Variants in DNER observed in about 807,000 individuals in gnomAD.
DNER encodes the protein delta and Notch-like epidermal growth factor-related receptor.
DNER carries 33 observed loss-of-function variants against 78.2 expected under a neutral mutation model. The observed-to-expected ratio is 0.42, with a 90% CI of 0.32 to 0.56. DNER has a LOEUF of 0.56. DNER is among the 20% of genes least tolerant of loss of function. The probability of loss-of-function intolerance (pLI) is 0.11; values close to 1 mark genes in which losing one functional copy is unlikely to be tolerated. For synonymous variants in DNER, 417 were observed against 384.8 expected (o/e 1.08, Z -0.98); for missense variants, 918 against 975.3 (o/e 0.94, Z 0.78).
intron 1 of DNER, among the ~76,000 whole-genome samples, chr2:229,656,393 C>T (rs1698912736): frequency 6.6e-6 from 1 of 152,184 alleles, no homozygotes; most frequent in African/African-American, 2.4e-5. Flanking sequence ...GTCCCTACCT[C>T]ATACTGTTGT....
At chr2:229,478,186 A>G (rs1574861107) in intron 6 of DNER, among the ~76,000 whole-genome samples, 1 of 152,352 alleles carries the variant, frequency 6.6e-6, no homozygotes, top group South Asian at 2.1e-4. Flanking sequence ...GATAATTCCT[A>G]TCAAAAATTG....
At chr2:229,433,094 C>T (rs1427790744) in intron 8 of DNER, among the ~76,000 whole-genome samples, 2 of 152,132 alleles carry the variant, frequency 1.3e-5, no homozygotes, top group Admixed American at 6.6e-5. Flanking sequence ...TGCCTGCCAC[C>T]GTACCTGACT....
At chr2:229,572,935 C>G (rs553050237) in intron 4 of DNER, among the ~76,000 whole-genome samples, 8 of 152,116 alleles carry the variant, frequency 5.3e-5, no homozygotes, top group Non-Finnish European at 1.0e-4. Flanking sequence ...AGGCTAAAAT[C>G]TCTTAAAGTC....
chr2:229,623,643 G>A (rs953431070), intron 1 of DNER, among the ~76,000 whole-genome samples: 6 of 152,190 alleles, frequency 3.9e-5, no homozygotes, highest in African/African-American at 1.2e-4. Context: ...GTCCTTGATC[G>A]CTACTGCAGA....
intron 11 of DNER, among the ~76,000 whole-genome samples, chr2:229,380,128 GTGGTCAAGT>G (rs1692702319): frequency 6.6e-6 from 1 of 152,178 alleles, no homozygotes; most frequent in Non-Finnish European, 1.5e-5. Flanking sequence ...GTTGGAGAAT[GTGGTCAAGT>G]TGGTCAAGTT....
intron 1 of DNER, among the ~76,000 whole-genome samples, chr2:229,661,616 C>T (rs185068065): frequency 6.6e-6 from 1 of 151,876 alleles, no homozygotes; most frequent in East Asian, 1.9e-4. Flanking sequence ...TCAAAGTTAA[C>T]AAAAAAGAAA....
intron 8 of DNER, among the ~76,000 whole-genome samples, chr2:229,426,915 T>C (rs761813814): frequency 5.9e-5 from 9 of 152,232 alleles, no homozygotes; most frequent in Non-Finnish European, 1.0e-4. Flanking sequence ...GTTGTGTAAG[T>C]CAATGCAGAG....
intron 7 of DNER, among the ~76,000 whole-genome samples, chr2:229,452,623 T>C (rs960318442): frequency 3.3e-5 from 5 of 152,084 alleles, no homozygotes; most frequent in Non-Finnish European, 1.5e-5. Flanking sequence ...ATTATTATTT[T>C]ATTTATTTAT....
intron 6 of DNER, among the ~76,000 whole-genome samples, chr2:229,504,063 T>C (rs1001195503): frequency 4.6e-5 from 7 of 151,840 alleles, no homozygotes; most frequent in African/African-American, 1.7e-4. Flanking sequence ...ATTCTTTTGA[T>C]GTAACTGATC....
chr2:229,588,174 AATT>A (rs769180060), intron 3 of DNER, among the ~76,000 whole-genome samples: 107 of 152,272 alleles, frequency 7.0e-4, no homozygotes, highest in Non-Finnish European at 1.3e-3. Context: ...CATCCAGTCC[AATT>A]TCTCAATTCC....
chr2:229,445,659 C>G (rs1212978433), intron 8 of DNER, among the ~76,000 whole-genome samples: 1 of 152,172 alleles, frequency 6.6e-6, no homozygotes, highest in African/African-American at 2.4e-5. Context: ...TAATTCAGCT[C>G]AAGACACAAC....
At chr2:229,609,023 GAC>G (rs1178254158) in intron 1 of DNER, among the ~76,000 whole-genome samples, 2 of 152,126 alleles carry the variant, frequency 1.3e-5, no homozygotes. Flanking sequence ...AGGAGTTCAA[GAC>G]CAGCCTGGCC....
intron 4 of DNER, among the ~76,000 whole-genome samples, chr2:229,583,321 T>C (rs1244867428): frequency 2.6e-5 from 4 of 152,228 alleles, no homozygotes; most frequent in Non-Finnish European, 5.9e-5. Context: ...CCTCGCCTAA[T>C]TTAAACGTGC....
At chr2:229,367,991 T>C (rs750392628) in intron 11 of DNER, among the ~76,000 whole-genome samples, 17 of 152,354 alleles carry the variant, frequency 1.1e-4, no homozygotes, top group Admixed American at 7.8e-4. Flanking sequence ...CAGACAACCA[T>C]GTACTCACTG....
At chr2:229,536,088 A>C (rs1696398285) in intron 5 of DNER, among the ~76,000 whole-genome samples, 1 of 152,238 alleles carries the variant, frequency 6.6e-6, no homozygotes, top group Non-Finnish European at 1.5e-5. Context: ...GTGGGTGCAG[A>C]GGACCGAACA....
At chr2:229,503,200 C>A (rs1354129643) in intron 6 of DNER, among the ~76,000 whole-genome samples, 1 of 152,084 alleles carries the variant, frequency 6.6e-6, no homozygotes, top group Non-Finnish European at 1.5e-5. Context: ...ATGCTTTGAC[C>A]CCCACTGGCA....
At chr2:229,584,385 C>G (rs1697458945) in intron 4 of DNER, among the ~76,000 whole-genome samples, 1 of 152,122 alleles carries the variant, frequency 6.6e-6, no homozygotes, top group South Asian at 2.1e-4. Context: ...TGGGTAGATT[C>G]TAAACTTGAG....
At chr2:229,523,668 A>G (rs1334601448) in intron 5 of DNER, among the ~76,000 whole-genome samples, 1 of 152,258 alleles carries the variant, frequency 6.6e-6, no homozygotes, top group Non-Finnish European at 1.5e-5. Flanking sequence ...AATTCAAACC[A>G]TACTATTTCC....
Position 229,418,161 on chromosome 2 carries a change from G to A in DNER, c.1556C>T (p.Thr519Ile). 1 of 1,614,164 alleles carries A rather than the reference G, an allele frequency of 6.2e-7. No homozygotes were observed. The highest frequency in any genetic ancestry group is 2.2e-5 in the East Asian group (1 of 44,870). ...ATAGCCATTAACGAGGTCCCTGCAG[G>A]TGGCTGCATTCAGGCATGGAGCGGA... ...CLSAPCLNAA[T>I]CRDLVNGYEC... The change falls in exon 9 of 13, where the codon ACC (threonine) becomes ATC (isoleucine). Residue 519 changes from threonine (T) to isoleucine (I), a missense_variant. Transcript: ENST00000341772.
Sources: gnomAD v4.1 joint callset for allele counts (sites outside exome capture counted in the v4.1 genomes callset) on GRCh38, gnomAD v4.1.1 for gene constraint, MANE v1.5 for transcripts, NCBI Gene and HGNC (gene_info 2026-07-23, HGNC 2026-07-21) for gene names.